The following CAMTA1 variants were observed in gnomAD, a reference collection of about 807,000 sequenced individuals.
CAMTA1 encodes the protein calmodulin binding transcription activator 1.
CAMTA1 carries 27 observed loss-of-function variants against 170.9 expected under a neutral mutation model. The ratio of observed to expected loss-of-function variants is 0.16; its 90% confidence interval spans 0.12 to 0.22. The LOEUF is 0.22. Ranked by LOEUF, CAMTA1 falls within the 10% of genes least tolerant of loss-of-function variation. CAMTA1 has a pLI of 1.00. For synonymous variants in CAMTA1, 833 were observed against 891.5 expected (o/e 0.93, Z 1.17); for missense variants, 1,619 against 2,217.2 (o/e 0.73, Z 5.42).
At chr1:7,370,982 G>A (rs1260352868) in intron 5 of CAMTA1, among the ~76,000 whole-genome samples, 15 of 143,260 alleles carry the variant, frequency 1.0e-4, no homozygotes, top group Admixed American at 1.0e-3. Context: ...CGCGATCTCG[G>A]CTCACTGCAA....
chr1:7,104,482 C>G (rs1042337288), intron 4 of CAMTA1, among the ~76,000 whole-genome samples: 1 of 152,200 alleles, frequency 6.6e-6, no homozygotes, highest in Non-Finnish European at 1.5e-5. Context: ...TCAGCAAAGA[C>G]GCCGTGGAGT....
chr1:7,498,590 T>C (rs1024687730), intron 6 of CAMTA1, among the ~76,000 whole-genome samples: 1 of 152,054 alleles, frequency 6.6e-6, no homozygotes, highest in Non-Finnish European at 1.5e-5. Flanking sequence ...TGCATGTGTG[T>C]GTACGTGTGA....
intron 2 of CAMTA1, among the ~76,000 whole-genome samples, chr1:6,821,570 A>G (rs1646489744): frequency 6.6e-6 from 1 of 152,180 alleles, no homozygotes; most frequent in African/African-American, 2.4e-5. Flanking sequence ...CTGTTTGAAC[A>G]GTTTGGTCTA....
intron 4 of CAMTA1, among the ~76,000 whole-genome samples, chr1:7,154,296 T>C (rs1403252950): frequency 2.0e-5 from 3 of 152,152 alleles, no homozygotes; most frequent in South Asian, 2.1e-4. Flanking sequence ...AGGTTTGCAT[T>C]TGATAGCAGG....
intron 6 of CAMTA1, among the ~76,000 whole-genome samples, chr1:7,519,976 A>G (rs768369416): frequency 6.6e-5 from 10 of 151,064 alleles, no homozygotes; most frequent in Non-Finnish European, 1.5e-4. Context: ...AGTCCACAGC[A>G]CCATCAGAAC....
chr1:7,526,105 GA>G (rs1487851191), intron 6 of CAMTA1, among the ~76,000 whole-genome samples: 5 of 152,064 alleles, frequency 3.3e-5, no homozygotes, highest in Admixed American at 6.5e-5. Flanking sequence ...ACATTTTAAA[GA>G]AAGGCAGGAC....
intron 1 of CAMTA1, among the ~76,000 whole-genome samples, chr1:6,792,951 A>C (rs1294814553): frequency 6.6e-6 from 1 of 152,080 alleles, no homozygotes; most frequent in African/African-American, 2.4e-5. Flanking sequence ...ATAGTTTTAA[A>C]CATGTTATTA....
intron 3 of CAMTA1, among the ~76,000 whole-genome samples, chr1:6,841,241 A>G (rs1013752173): frequency 2.0e-5 from 3 of 152,118 alleles, no homozygotes; most frequent in African/African-American, 7.2e-5. Context: ...ATCCAGGATA[A>G]TTTTCCTATT....
chr1:6,855,406 C>G (rs1306508034), intron 3 of CAMTA1, among the ~76,000 whole-genome samples: 1 of 151,564 alleles, frequency 6.6e-6, no homozygotes, highest in Non-Finnish European at 1.5e-5. Context: ...AGGAAACTTA[C>G]AATCATGGCA....
intron 11 of CAMTA1, among the ~76,000 whole-genome samples, chr1:7,727,803 G>T (rs1167753400): frequency 3.9e-5 from 6 of 152,236 alleles, no homozygotes; most frequent in African/African-American, 9.6e-5. Flanking sequence ...CTAGTGTGGA[G>T]ATGTAAAGAC....
At position 6,918,712 on chromosome 1, in the gene CAMTA1, G is replaced by A. The variant is rs1233815696; in HGVS notation, c.234+93502G>A. Among the ~76,000 whole-genome samples the A allele has an allele frequency of 6.6e-6, 1 of 152,212 alleles. No homozygotes were observed. The highest frequency in any genetic ancestry group is 1.5e-5 in the Non-Finnish European group (1 of 68,036). On this transcript the variant is annotated intron_variant, in intron 3 of 22. Transcript: ENST00000303635. The surrounding 1 kb of genome is among the most constrained non-coding windows in gnomAD (Gnocchi z 4.0). ...GTTGGGCAGAGGGAGGGGAGGCTGGGCTCCTTGGGACTTCCTGGTGGATGA... is the reference window on the plus strand; with the variant it reads ...GTTGGGCAGAGGGAGGGGAGGCTGGACTCCTTGGGACTTCCTGGTGGATGA...
intron 4 of CAMTA1, among the ~76,000 whole-genome samples, chr1:7,176,617 G>T (rs192796055): frequency 2.6e-5 from 4 of 152,258 alleles, no homozygotes; most frequent in Admixed American, 2.6e-4. Flanking sequence ...GGTTGCCCTG[G>T]GTTAGCCATT....
intron 6 of CAMTA1, among the ~76,000 whole-genome samples, chr1:7,492,709 GCACA>G (rs1298724750): frequency 8.4e-6 from 1 of 118,964 alleles, no homozygotes; most frequent in Non-Finnish European, 1.7e-5. Flanking sequence ...ACACACGCAG[GCACA>G]CACACAAACA....
chr1:7,717,750 C>T (rs2096621845), intron 11 of CAMTA1, among the ~76,000 whole-genome samples: 3 of 151,698 alleles, frequency 2.0e-5, no homozygotes, highest in South Asian at 2.1e-4. Flanking sequence ...AAAATAAAAA[C>T]GGATATATTC....
intron 3 of CAMTA1, among the ~76,000 whole-genome samples, chr1:6,843,045 G>A (rs547094336): frequency 3.3e-5 from 5 of 152,268 alleles, no homozygotes; most frequent in East Asian, 3.9e-4. Flanking sequence ...CAACTGACAC[G>A]TCTGAATTTG....
At chr1:7,400,395 G>T (rs1377613673) in intron 5 of CAMTA1, among the ~76,000 whole-genome samples, 1 of 151,920 alleles carries the variant, frequency 6.6e-6, no homozygotes, top group Non-Finnish European at 1.5e-5. Context: ...TGATTTCATT[G>T]AATTCTTTAC....
chr1:7,062,894 T>C (rs910053699), intron 3 of CAMTA1, among the ~76,000 whole-genome samples: 1 of 152,198 alleles, frequency 6.6e-6, no homozygotes, highest in African/African-American at 2.4e-5. Flanking sequence ...CCCCAACCTG[T>C]GCGTCTCTGT....
intron 3 of CAMTA1, among the ~76,000 whole-genome samples, chr1:6,945,720 A>G (rs763698013): frequency 3.3e-5 from 5 of 152,146 alleles, no homozygotes; most frequent in South Asian, 2.1e-4. Flanking sequence ...AGATTTGCCT[A>G]TTCTGGACAT....
At position 7,185,742 on chromosome 1, in the gene CAMTA1, A is replaced by G. The variant is rs149851980; in HGVS notation, c.303-63749A>G. ...ATCGTTTCTGTGATATTCCTGCCCA[A>G]AATGTACAACCTGAACCTAATTATG... On this transcript the variant is annotated intron_variant, in intron 4 of 22. Coordinates refer to ENST00000303635, the MANE Select transcript of CAMTA1 (RefSeq NM_015215.4). Among the ~76,000 whole-genome samples, 195 of 152,340 alleles carry G rather than the reference A, an allele frequency of 1.3e-3. 1 individual carries two copies. The Middle Eastern group carries it at 0.024, about 19-fold the overall frequency.
Sources: allele counts gnomAD v4.1 joint callset (sites outside exome capture counted in the v4.1 genomes callset), GRCh38; gene constraint gnomAD v4.1.1; non-coding constraint Gnocchi (gnomAD v3.1); transcripts MANE v1.5; gene names NCBI Gene and HGNC (gene_info 2026-07-23, HGNC 2026-07-21).